LRRC61: variants seen among roughly 807,000 people sequenced by gnomAD.
The protein encoded by LRRC61 is leucine rich repeat containing 61, also known as leucine-rich repeat-containing protein 61.
LRRC61 carries 9 observed loss-of-function variants against 15.1 expected under a neutral mutation model. The ratio of observed to expected loss-of-function variants is 0.60; its 90% CI spans 0.36 to 1.04. LRRC61 has a LOEUF of 1.04. Ranked by LOEUF, LRRC61 falls within the 50% of genes least tolerant of loss-of-function variation. The pLI is 0.01. For missense variants in LRRC61, 344 were observed against 335.6 expected, an observed-to-expected ratio of 1.03 and a Z score of -0.20; for synonymous variants, 173 against 158.6, an observed-to-expected ratio of 1.09 and a Z score of -0.68.
At chr7:150,328,727 C>T (rs1439378244) in intron 2 of LRRC61, 1 of 152,232 alleles carries the variant, frequency 6.6e-6, no homozygotes, top group East Asian at 1.9e-4. Context: ...TCCCTTGAAC[C>T]CAAGAATTTG....
chr7:150,319,332 C>T (rs183248696), upstream of LRRC61, among the ~76,000 whole-genome samples: 6 of 152,218 alleles, frequency 3.9e-5, no homozygotes, highest in East Asian at 9.6e-4. Context: ...CTTGGCCTCC[C>T]GAATAGCTGG....
chr7:150,316,975 A>G, the LRRC61 span, among the ~76,000 whole-genome samples: 1 of 151,782 alleles, frequency 6.6e-6, no homozygotes, highest in Admixed American at 6.6e-5. Context: ...GTTTTTTTTC[A>G]CATAGATTTT....
chr7:150,326,454 A>G (rs770129798), intron 2 of LRRC61, among the ~76,000 whole-genome samples: 7 of 152,044 alleles, frequency 4.6e-5, no homozygotes, highest in African/African-American at 1.7e-4. Flanking sequence ...AGGCTGAGGC[A>G]GGGGGATTGC....
At chr7:150,311,085 G>C in the LRRC61 span, among the ~76,000 whole-genome samples, 32 of 152,166 alleles carry the variant, frequency 2.1e-4, 1 homozygote, top group African/African-American at 7.7e-4. Flanking sequence ...ACCAAACTTT[G>C]TCATTCTAAC....
rs1456408319 is a variant in LRRC61 at position 150,330,362 on chromosome 7, G to A, written c.-145+4352G>A. The A allele has an allele frequency of 1.3e-6, 1 of 758,758 alleles. No homozygotes were observed. The highest frequency in any genetic ancestry group is 1.7e-5 in the African/African-American group (1 of 58,994). The allele number at this position is 758,758 out of a possible 1,614,324, so 47.0% of individuals were successfully genotyped here. A position where few individuals can be genotyped will look rare whatever the true frequency, so the allele number is the denominator to read the frequency against. ...GTGTTGCCTTGTCGGCCACATTCTG[G>A]AGCCCGGCAGACAGCCTCAGCAAGC... On this transcript the variant is annotated intron_variant, in intron 2 of 2. Transcript: ENST00000359623. This position sits in a 1 kb window ranked among gnomAD's most constrained non-coding sequence, Gnocchi z 4.6.
chr7:150,321,769 G>A (rs1797537221), upstream of LRRC61, among the ~76,000 whole-genome samples: 1 of 152,108 alleles, frequency 6.6e-6, no homozygotes, highest in Non-Finnish European at 1.5e-5. Context: ...TAAAAAACTT[G>A]GATAAAGTGT....
At chr7:150,326,790 A>G (rs1797972836) in intron 2 of LRRC61, among the ~76,000 whole-genome samples, 1 of 151,960 alleles carries the variant, frequency 6.6e-6, no homozygotes, top group South Asian at 2.1e-4. Context: ...TCATGAAGTG[A>G]GAGTTAAGTC....
chr7:150,336,298 T>C (rs1798287873), intron 2 of LRRC61, among the ~76,000 whole-genome samples: 1 of 152,240 alleles, frequency 6.6e-6, no homozygotes, highest in Non-Finnish European at 1.5e-5. Context: ...ATACATTGAT[T>C]ATCCCAGAAA....
the LRRC61 span, among the ~76,000 whole-genome samples, chr7:150,317,806 A>G: frequency 6.6e-6 from 1 of 152,148 alleles, no homozygotes; most frequent in Non-Finnish European, 1.5e-5. Flanking sequence ...TGTTGAATCC[A>G]TTCCAGTAGC....
At chr7:150,310,388 C>G in the LRRC61 span, among the ~76,000 whole-genome samples, 1 of 152,188 alleles carries the variant, frequency 6.6e-6, no homozygotes, top group African/African-American at 2.4e-5. Flanking sequence ...TATCACTTGC[C>G]TGTTACAGCA....
intron 1 of LRRC61, 99 bp downstream of exon 1, chr7:150,323,659 C>G: frequency 2.2e-6 from 1 of 455,880 alleles, no homozygotes; most frequent in Non-Finnish European, 4.4e-6. Flanking sequence ...GGTGCCCTCG[C>G]GCCGAAACAC....
Position 150,330,348 on chromosome 7 carries a change from T to TCGG in LRRC61, c.-145+4340_-145+4342dup. 1 of 751,216 alleles carries TCGG rather than the reference T, an allele frequency of 1.3e-6. No homozygotes were observed. The highest frequency in any genetic ancestry group is 2.4e-6 in the Non-Finnish European group (1 of 411,306). 46.5% of individuals were successfully genotyped at this position (751,216 alleles called of 1,614,324 possible). A position where few individuals can be genotyped will look rare whatever the true frequency, so the allele number is the denominator to read the frequency against. On this transcript the variant is annotated intron_variant, in intron 2 of 2. Coordinates refer to ENST00000359623, the MANE Select transcript of LRRC61 (RefSeq NM_001142928.2). This position sits in a 1 kb window ranked among gnomAD's most constrained non-coding sequence, Gnocchi z 4.6. ...GCTGGGGAAGGCTGGTGTTGCCTTG[T>TCGG]CGGCCACATTCTGGAGCCCGGCAGA...
At chr7:150,321,177 C>T (rs1410504638), upstream of LRRC61, among the ~76,000 whole-genome samples, 1 of 152,166 alleles carries the variant, frequency 6.6e-6, no homozygotes, top group Non-Finnish European at 1.5e-5. Context: ...AGTAATTTTC[C>T]ATCTGCTGAC....
chr7:150,337,831 G>C lies in LRRC61; in HGVS notation c.*190G>C. ...ACATGCTGCAAGGACAGACTGAAGGGCTGTGAGCAGGTGTAAGGGCTCCCA... is the reference window on the plus strand; with the variant it reads ...ACATGCTGCAAGGACAGACTGAAGGCCTGTGAGCAGGTGTAAGGGCTCCCA... On this transcript the variant is annotated 3_prime_UTR_variant, in exon 3 of 3. Coordinates refer to ENST00000359623, the MANE Select transcript of LRRC61 (RefSeq NM_001142928.2). 1.5e-6 allele frequency: 1 copy of C among 663,006 alleles called. No individual in the cohort carries two copies. The allele number at this position is 663,006 out of a possible 1,614,324, so 41.1% of individuals were successfully genotyped here. A position where few individuals can be genotyped will look rare whatever the true frequency, so the allele number is the denominator to read the frequency against.
rs1392909670 is a variant in LRRC61, at chr7:150,336,937, G to A, written c.76G>A (p.Gly26Ser). ...ACCCCAGCTGCTGAAGTCACGCACAGGCGAGTTCTCCCTGGAGTCCATCCT... is the reference window on the plus strand; with the variant it reads ...ACCCCAGCTGCTGAAGTCACGCACAAGCGAGTTCTCCCTGGAGTCCATCCT... The part of the protein sequence containing the change: ...ITPQLLKSRT[G>S]EFSLESILLL... Residue 26 changes from glycine (G) to serine (S), a missense_variant, in exon 3 of 3, where the codon GGC becomes AGC. Gly to Ser is a moderately conservative substitution (Grantham distance 56). Coordinates refer to ENST00000359623, the MANE Select transcript of LRRC61 (RefSeq NM_001142928.2). 1.2e-6 allele frequency: 2 copies of A among 1,613,804 alleles called. No individual in the cohort carries two copies. The highest frequency in any genetic ancestry group is 2.2e-5 in the East Asian group (1 of 44,902).
At chr7:150,311,598 A>C in the LRRC61 span, among the ~76,000 whole-genome samples, 1 of 152,188 alleles carries the variant, frequency 6.6e-6, no homozygotes, top group Non-Finnish European at 1.5e-5. Context: ...AGCACCCAGC[A>C]CAAGTCCTGA....
chr7:150,337,794 C>T lies in LRRC61; in HGVS notation c.*153C>T, dbSNP rs552311633. ...CCCTATCCTGAGAGCAGCCCCTCCC[C>T]ACCATCCCTCCACATGCTGCAAGGA... On this transcript the variant is annotated 3_prime_UTR_variant, in exon 3 of 3. Transcript: ENST00000359623. 4 of 794,328 alleles carry T rather than the reference C, an allele frequency of 5.0e-6. No individual in the cohort carries two copies. The highest frequency in any genetic ancestry group is 3.8e-4 in the Middle Eastern group (1 of 2,616). The allele number at this position is 794,328 out of a possible 1,614,324, so 49.2% of individuals were successfully genotyped here. A position where few individuals can be genotyped will look rare whatever the true frequency, so the allele number is the denominator to read the frequency against.
At chr7:150,334,784 G>A (rs991469627) in intron 2 of LRRC61, among the ~76,000 whole-genome samples, 2 of 152,210 alleles carry the variant, frequency 1.3e-5, no homozygotes, top group Non-Finnish European at 2.9e-5. Flanking sequence ...TTGGGAGGCC[G>A]AGGCAGGGGG....
chr7:150,317,646 T>C, the LRRC61 span, among the ~76,000 whole-genome samples: 3 of 152,208 alleles, frequency 2.0e-5, no homozygotes, highest in Admixed American at 2.0e-4. Flanking sequence ...TATCTTATTC[T>C]TGAATTCAAC....
Sources: gnomAD v4.1 joint callset for allele counts (sites outside exome capture counted in the v4.1 genomes callset) on GRCh38, gnomAD v4.1.1 for gene constraint, Gnocchi (gnomAD v3.1) non-coding constraint, MANE v1.5 for transcripts, NCBI Gene and HGNC (gene_info 2026-07-23, HGNC 2026-07-21) for gene names.